Variants in FBXW8 observed in about 807,000 individuals in gnomAD.
FBXW8 encodes F-box and WD repeat domain containing 8.
Under a neutral mutation model 65.3 loss-of-function variants are expected in FBXW8, and 57 were observed. The observed-to-expected ratio is 0.87, with a 90% CI of 0.71 to 1.09. The LOEUF (loss-of-function observed/expected upper bound fraction) is 1.09. FBXW8 is among the 50% of genes least tolerant of loss of function. The pLI is 0.00. For synonymous variants in FBXW8, 308 were observed against 330.2 expected (o/e 0.93, Z 0.73); for missense variants, 777 against 814.8 (o/e 0.95, Z 0.57).
intron 2 of FBXW8, among the ~76,000 whole-genome samples, chr12:116,933,219 C>T (rs1881907373): frequency 6.6e-6 from 1 of 152,220 alleles, no homozygotes; most frequent in Non-Finnish European, 1.5e-5. Context: ...ATGCTGTTAG[C>T]CGAAGTCTTG....
chr12:116,984,429 G>A (rs972327087), intron 5 of FBXW8, among the ~76,000 whole-genome samples: 2 of 152,174 alleles, frequency 1.3e-5, no homozygotes, highest in African/African-American at 2.4e-5. Context: ...GTGGAAAATC[G>A]GCATTTTTGG....
chr12:116,991,083 A>G (rs1263983663), intron 7 of FBXW8, among the ~76,000 whole-genome samples: 1 of 152,262 alleles, frequency 6.6e-6, no homozygotes, highest in Admixed American at 6.5e-5. Context: ...GAATGTTTCT[A>G]AATGTCTCTT....
chr12:116,943,186 A>G (rs1264177424), intron 2 of FBXW8, among the ~76,000 whole-genome samples: 6 of 152,110 alleles, frequency 3.9e-5, no homozygotes, highest in Non-Finnish European at 7.3e-5. Flanking sequence ...TCTGTTTAGT[A>G]AGTCCAGCTT....
rs1350338199 is a variant in FBXW8, at chr12:116,911,279, G to A, written c.242G>A (p.Ser81Asn). The A allele has an allele frequency of 6.3e-6, 8 of 1,262,074 alleles. No homozygotes were observed. Among genetic ancestry groups the A allele is most frequent in the Non-Finnish European group, 7.9e-6 (8 of 1,006,584 alleles). The allele number at this position is 1,262,074 out of a possible 1,614,324, so 78.2% of individuals were successfully genotyped here. A position where few individuals can be genotyped will look rare whatever the true frequency, so the allele number is the denominator to read the frequency against. ...CGGGCCGAGGGGCAGGACGTAGCGAGCCGCTCACGTTCTCCTCTGGCCCGC... is the reference window on the plus strand; with the variant it reads ...CGGGCCGAGGGGCAGGACGTAGCGAACCGCTCACGTTCTCCTCTGGCCCGC... ...ATRAEGQDVA[S>N]RSRSPLAREG... Residue 81 changes from serine to asparagine, a missense_variant, in exon 1 of 11, where the codon AGC becomes AAC. Ser to Asn is a conservative substitution (Grantham distance 46). Coordinates refer to ENST00000652555, the MANE Select transcript of FBXW8 (RefSeq NM_153348.3).
rs1210429131 is a variant in FBXW8 at position 117,024,197 on chromosome 12, C to T, written c.1418C>T (p.Ala473Val). The T allele has an allele frequency of 6.2e-7, 1 of 1,614,194 alleles. No homozygotes were observed. Among genetic ancestry groups the T allele is most frequent in the South Asian group, 1.1e-5 (1 of 91,084 alleles). Residue 473 changes from alanine (A) to valine (V), a missense_variant, in exon 9 of 11, where the codon GCC becomes GTC. Physicochemically the swap from Ala to Val is moderately conservative, Grantham distance 64. Transcript: ENST00000652555. ...GGTAACATCGCCCTGTCGCTCTCCG[C>T]CCATCAGCTCAGGGTCTCTGCTGTG... is the stretch of plus-strand genomic sequence containing the variant. The part of the protein sequence containing the change: ...RSGNIALSLS[A>V]HQLRVSAVQM...
intron 7 of FBXW8, among the ~76,000 whole-genome samples, chr12:116,989,319 C>T (rs1953180283): frequency 6.6e-6 from 1 of 152,228 alleles, no homozygotes; most frequent in South Asian, 2.1e-4. Flanking sequence ...AGCCAGGCCC[C>T]TCACTGGTAG....
At chr12:116,992,486 CATGG>C (rs1953267008) in intron 7 of FBXW8, among the ~76,000 whole-genome samples, 1 of 150,248 alleles carries the variant, frequency 6.7e-6, no homozygotes, top group South Asian at 2.1e-4. Context: ...TTTTTGGTTA[CATGG>C]ATGAACTGTA....
chr12:117,001,065 T>G (rs1400162506), intron 7 of FBXW8, among the ~76,000 whole-genome samples: 2 of 152,206 alleles, frequency 1.3e-5, no homozygotes, highest in Non-Finnish European at 2.9e-5. Context: ...GGTTGTGAGA[T>G]TCAAATGGAA....
intron 1 of FBXW8, among the ~76,000 whole-genome samples, chr12:116,927,137 G>A (rs1565900116): frequency 6.6e-6 from 1 of 152,164 alleles, no homozygotes; most frequent in African/African-American, 2.4e-5. Flanking sequence ...ACCAAAGTGA[G>A]CTTTGGCAGG....
chr12:117,029,310 A>G lies in FBXW8; in HGVS notation c.*1138A>G, dbSNP rs1049586770. 6.6e-6 allele frequency: 1 copy of G among 152,236 alleles called. No homozygotes were observed. The highest frequency in any genetic ancestry group is 2.4e-5 in the African/African-American group (1 of 41,448). The allele number at this position is 152,236 out of a possible 1,614,324, so 9.4% of individuals were successfully genotyped here. ...CCTGCTTTTCTAGGAATTGACTCCA[A>G]TGCAGAATAGTGAGAAATCAACAAA... On this transcript the variant is annotated 3_prime_UTR_variant, in exon 11 of 11. Coordinates refer to ENST00000652555, the MANE Select transcript of FBXW8 (RefSeq NM_153348.3).
Position 117,009,502 on chromosome 12 carries a change from G to C in FBXW8, c.1240-821G>C, listed in dbSNP as rs111450948. On this transcript the variant is annotated intron_variant, in intron 7 of 10. Coordinates refer to ENST00000652555, the MANE Select transcript of FBXW8 (RefSeq NM_153348.3). Reference sequence around the variant, plus strand: ...CAGAACTTGGTGTGTTTGTGTGTGTGTTAATGAGGAGCCTTCTGAATGTGA... The same window carrying C: ...CAGAACTTGGTGTGTTTGTGTGTGTCTTAATGAGGAGCCTTCTGAATGTGA... Among the ~76,000 whole-genome samples, 563 of 152,306 alleles carry C rather than the reference G, an allele frequency of 3.7e-3. 5 individuals carry two copies. The highest frequency in any genetic ancestry group is 0.013 in the African/African-American group (532 of 41,562).
intron 8 of FBXW8, among the ~76,000 whole-genome samples, chr12:117,022,472 A>T (rs1312920052): frequency 1.3e-5 from 2 of 151,952 alleles, no homozygotes; most frequent in Non-Finnish European, 2.9e-5. Flanking sequence ...TGAGCAACAC[A>T]GCAAAACCGT....
intron 1 of FBXW8, among the ~76,000 whole-genome samples, chr12:116,912,081 C>A (rs1337257211): frequency 6.6e-6 from 1 of 151,782 alleles, no homozygotes; most frequent in Non-Finnish European, 1.5e-5. Flanking sequence ...GTTAAGAGGA[C>A]AAGGCTCCAG....
At chr12:117,027,100 C>A (rs1483868082) in intron 9 of FBXW8, among the ~76,000 whole-genome samples, 2 of 152,166 alleles carry the variant, frequency 1.3e-5, no homozygotes, top group East Asian at 3.8e-4. Context: ...GATTCGTCTG[C>A]AGTAGGGTGT....
At chr12:116,974,009 TCTC>T (rs1884780767) in intron 5 of FBXW8, among the ~76,000 whole-genome samples, 1 of 152,204 alleles carries the variant, frequency 6.6e-6, no homozygotes, top group Non-Finnish European at 1.5e-5. Flanking sequence ...ATGGCTGTGA[TCTC>T]TTGGAGGAGA....
At chr12:117,016,171 G>A (rs1463277675) in intron 8 of FBXW8, among the ~76,000 whole-genome samples, 2 of 152,146 alleles carry the variant, frequency 1.3e-5, no homozygotes, top group Admixed American at 6.5e-5. Context: ...GTTCAGTTGG[G>A]GAAATACACT....
chr12:116,934,159 C>G (rs1341957746), intron 2 of FBXW8, among the ~76,000 whole-genome samples: 5 of 152,146 alleles, frequency 3.3e-5, no homozygotes, highest in Admixed American at 3.3e-4. Context: ...TTTGACTTTG[C>G]CTCCTTTCCA....
intron 5 of FBXW8, 173 bp from the exon 6 acceptor site, chr12:116,985,033 C>T (rs1885566324): frequency 3.8e-6 from 2 of 523,238 alleles, no homozygotes; most frequent in Non-Finnish European, 6.8e-6. Context: ...AAATTACCTT[C>T]AGGCCATGTG....
chr12:117,011,138 T>TTTTTTA (rs1333796714), intron 8 of FBXW8, among the ~76,000 whole-genome samples: 3 of 148,056 alleles, frequency 2.0e-5, no homozygotes, highest in African/African-American at 7.7e-5. Flanking sequence ...TTTTTTTTTT[T>TTTTTTA]TTTTGGCCAG....
Sources: allele counts gnomAD v4.1 joint callset (sites outside exome capture counted in the v4.1 genomes callset), GRCh38; gene constraint gnomAD v4.1.1; transcripts MANE v1.5; gene names NCBI Gene and HGNC (gene_info 2026-07-23, HGNC 2026-07-21).